LGR5: variants seen among roughly 807,000 people sequenced by gnomAD.
LGR5 encodes leucine rich repeat containing G protein-coupled receptor 5, also known as leucine-rich repeat-containing G protein-coupled receptor 5.
A neutral mutation model predicts 76.7 loss-of-function variants in LGR5; 54 were observed. The observed-to-expected ratio is 0.70, with a 90% CI of 0.57 to 0.88. LGR5 has a LOEUF of 0.88. Ranked by LOEUF, LGR5 falls within the 40% of genes least tolerant of loss-of-function variation. The pLI is 0.00. For missense variants in LGR5, 1,078 were observed against 1,073.3 expected, an observed-to-expected ratio of 1.00 and a Z score of -0.06; for synonymous variants, 406 against 421.9, an observed-to-expected ratio of 0.96 and a Z score of 0.46.
intron 11 of LGR5, 97 bp downstream of exon 11, chr12:71,567,009 G>A: frequency 2.9e-6 from 3 of 1,036,626 alleles, no homozygotes; most frequent in Non-Finnish European, 4.5e-6. Context: ...TAAAAGAGGA[G>A]AAAGTTTTTC....
chr12:71,582,282 A>G lies in LGR5; in HGVS notation c.1553-174A>G, dbSNP rs181071399. The G allele has an allele frequency of 9.3e-4, 532 of 570,876 alleles. 4 individuals are homozygous for G. Among genetic ancestry groups the G allele is most frequent in the Middle Eastern group, 4.6e-3 (12 of 2,610 alleles). The allele number at this position is 570,876 out of a possible 1,614,324, so 35.4% of individuals were successfully genotyped here. On this transcript the variant is annotated intron_variant, in intron 16 of 17. Transcript: ENST00000266674. ...CAGTTGTACTAGAATAGTATGTCAT[A>G]GCAGCTTGAGTCAAACATCCAAAGG... is the stretch of plus-strand genomic sequence containing the variant.
At position 71,583,812 on chromosome 12, in the gene LGR5, C is replaced by T. The variant is rs1879193873; in HGVS notation, c.1802C>T (p.Ala601Val). The T allele has an allele frequency of 1.2e-6, 2 of 1,614,142 alleles. No homozygotes were observed. The highest frequency in any genetic ancestry group is 1.7e-6 in the Non-Finnish European group (2 of 1,180,028). ...AAACTGTTAATTGGGGTCATCGCAG[C>T]AGTGAACATGCTCACGGGAGTCTCC... ...PIKLLIGVIA[A>V]VNMLTGVSSA... is the part of the protein sequence containing the mutation. The change falls in exon 18 of 18, where the codon GCA becomes GTA. Residue 601 changes from alanine to valine, a missense_variant. Coordinates refer to ENST00000266674, the MANE Select transcript of LGR5 (RefSeq NM_003667.4).
chr12:71,494,603 G>A lies in LGR5; in HGVS notation c.213-10011G>A, dbSNP rs143588629. 1.7e-4 allele frequency among the ~76,000 whole-genome samples: 25 copies of A among 151,264 alleles called. 2 individuals are homozygous for A. In the East Asian group the frequency reaches 4.8e-3, roughly 29 times the overall value. ...TCTTGTAGGCACACCCATTTTTCTA[G>A]AATGGCACAAGTTTGTGGTCTATAA... is the stretch of plus-strand genomic sequence containing the variant. On this transcript the variant is annotated intron_variant, in intron 1 of 17. Transcript: ENST00000266674.
At chr12:71,469,859 A>G (rs952629221) in intron 1 of LGR5, among the ~76,000 whole-genome samples, 2 of 152,168 alleles carry the variant, frequency 1.3e-5, no homozygotes, top group Non-Finnish European at 2.9e-5. Flanking sequence ...AAAGTCTTGT[A>G]GTGAGTTTCC....
At chr12:71,564,698 AC>A (rs1878234786) in intron 8 of LGR5, among the ~76,000 whole-genome samples, 1 of 14,314 alleles carries the variant, frequency 7.0e-5, no homozygotes, top group East Asian at 0.013. Context: ...ACATATATGT[AC>A]ACACACTGTA....
At chr12:71,494,942 G>A (rs1291361676) in intron 1 of LGR5, among the ~76,000 whole-genome samples, 2 of 151,098 alleles carry the variant, frequency 1.3e-5, no homozygotes, top group East Asian at 3.8e-4. Context: ...AAATTGTGGA[G>A]CTTGAAATCT....
At chr12:71,481,949 C>T (rs1280423241) in intron 1 of LGR5, among the ~76,000 whole-genome samples, 2 of 152,104 alleles carry the variant, frequency 1.3e-5, no homozygotes, top group African/African-American at 4.8e-5. Flanking sequence ...CTAGATGCAG[C>T]GCATCACTTT....
At chr12:71,467,087 C>A (rs1308027973) in intron 1 of LGR5, among the ~76,000 whole-genome samples, 4 of 151,836 alleles carry the variant, frequency 2.6e-5, no homozygotes, top group African/African-American at 9.7e-5. Flanking sequence ...ATCCTGACAT[C>A]AAACCGGTGG....
At chr12:71,548,699 A>G (rs1273759280) in intron 4 of LGR5, among the ~76,000 whole-genome samples, 1 of 152,166 alleles carries the variant, frequency 6.6e-6, no homozygotes, top group Admixed American at 6.5e-5. Flanking sequence ...CCTGTTTTAC[A>G]GATGTGAAAG....
At chr12:71,491,973 C>T (rs35866561) in intron 1 of LGR5, among the ~76,000 whole-genome samples, 13,567 of 151,814 alleles carry the variant, frequency 0.089, 646 homozygotes, top group Non-Finnish European at 0.11. Context: ...CAAGTAATTA[C>T]AAATATTTGT....
intron 1 of LGR5, among the ~76,000 whole-genome samples, chr12:71,450,491 T>C (rs1843500897): frequency 6.6e-6 from 1 of 152,156 alleles, no homozygotes; most frequent in African/African-American, 2.4e-5. Flanking sequence ...CTTTTTTTGG[T>C]AAAAATGGGA....
At chr12:71,561,292 G>A (rs1184204265) in intron 7 of LGR5, among the ~76,000 whole-genome samples, 1 of 152,170 alleles carries the variant, frequency 6.6e-6, no homozygotes, top group Admixed American at 6.5e-5. Flanking sequence ...ATGACAATCA[G>A]CTTATAACTA....
At chr12:71,529,094 G>A (rs1876165974) in intron 3 of LGR5, among the ~76,000 whole-genome samples, 1 of 152,170 alleles carries the variant, frequency 6.6e-6, no homozygotes, top group South Asian at 2.1e-4. Context: ...TATGACGTTT[G>A]TAATTTGATT....
At chr12:71,570,260 C>T (rs558126652) in intron 11 of LGR5, among the ~76,000 whole-genome samples, 10 of 152,240 alleles carry the variant, frequency 6.6e-5, no homozygotes, top group South Asian at 4.1e-4. Flanking sequence ...CCATGGCACA[C>T]GTTTACCTAC....
chr12:71,580,474 A>C, intron 16 of LGR5, 51 bp downstream of exon 16: 1 of 1,553,206 alleles, frequency 6.4e-7, no homozygotes, highest in Non-Finnish European at 8.8e-7. Flanking sequence ...TCAGTGGAAC[A>C]CATGGAAATG....
intron 1 of LGR5, among the ~76,000 whole-genome samples, chr12:71,473,284 T>C (rs913356065): frequency 2.6e-5 from 4 of 152,186 alleles, no homozygotes; most frequent in Admixed American, 2.6e-4. Context: ...AATTATGATT[T>C]GGGAGGAAAT....
At chr12:71,516,172 A>T (rs1041314607) in intron 2 of LGR5, among the ~76,000 whole-genome samples, 5 of 152,104 alleles carry the variant, frequency 3.3e-5, no homozygotes, top group Admixed American at 6.6e-5. Flanking sequence ...ATTTTTTTTT[A>T]AATTTGAGCG....
At position 71,439,878 on chromosome 12, in the gene LGR5, G is replaced by C. The variant is rs1168845816; in HGVS notation, c.-203G>C. 3 of 538,234 alleles carry C rather than the reference G, an allele frequency of 5.6e-6. No individual in the cohort carries two copies. The highest frequency in any genetic ancestry group is 4.1e-5 in the African/African-American group (2 of 49,040). The allele number at this position is 538,234 out of a possible 1,614,324, so 33.3% of individuals were successfully genotyped here. Reference sequence around the variant, plus strand: ...TGCAGCCAGGGCTGCTCCGAAGGCCGGCGTGGCGGCAACCGGCACCTCTGT... The same window carrying C: ...TGCAGCCAGGGCTGCTCCGAAGGCCCGCGTGGCGGCAACCGGCACCTCTGT... On this transcript the variant is annotated 5_prime_UTR_variant, in exon 1 of 18. Transcript: ENST00000266674.
At chr12:71,501,352 C>T (rs1874594144) in intron 1 of LGR5, among the ~76,000 whole-genome samples, 1 of 152,178 alleles carries the variant, frequency 6.6e-6, no homozygotes, top group African/African-American at 2.4e-5. Context: ...CGGTTCTAGG[C>T]CTGGCCTTTC....
Sources: gnomAD v4.1 joint callset for allele counts (sites outside exome capture counted in the v4.1 genomes callset) on GRCh38, gnomAD v4.1.1 for gene constraint, MANE v1.5 for transcripts, NCBI Gene and HGNC (gene_info 2026-07-23, HGNC 2026-07-21) for gene names.